Variants in UBE2W observed in about 807,000 individuals in gnomAD.
UBE2W encodes the protein ubiquitin conjugating enzyme E2 W.
UBE2W carries 18 observed loss-of-function variants against 27.2 expected under a neutral mutation model. That is an observed-to-expected ratio of 0.66 (90% CI 0.46 to 0.98). UBE2W has a LOEUF of 0.98. UBE2W is among the 50% of genes least tolerant of loss of function. UBE2W has a pLI of 0.00. For missense variants in UBE2W, 90 were observed against 180.2 expected (o/e 0.50, Z 2.87); for synonymous variants, 53 against 57.2 (o/e 0.93, Z 0.33).
downstream of UBE2W, among the ~76,000 whole-genome samples, chr8:73,784,741 CT>C (rs1807904177): frequency 6.6e-6 from 1 of 152,070 alleles, no homozygotes; most frequent in Admixed American, 6.5e-5. Flanking sequence ...AGTAGACCTA[CT>C]GGGTCTAGCT....
At chr8:73,878,715 G>T (rs1481453407) in intron 1 of UBE2W, 93 bp downstream of exon 1, 2 of 1,168,788 alleles carry the variant, frequency 1.7e-6, no homozygotes, top group African/African-American at 1.5e-5. Flanking sequence ...AACCCGCCCG[G>T]GTGTCCCCGA....
chr8:73,863,765 T>C (rs984904809), intron 1 of UBE2W, among the ~76,000 whole-genome samples: 1 of 151,756 alleles, frequency 6.6e-6, no homozygotes, highest in South Asian at 2.1e-4. Context: ...AAAAAAGAAT[T>C]AGCTGAAGAG....
chr8:73,867,690 T>G (rs1046154266), intron 1 of UBE2W, among the ~76,000 whole-genome samples: 1 of 145,966 alleles, frequency 6.9e-6, no homozygotes. Flanking sequence ...CCAGCGTGAG[T>G]GACGGAGTGA....
intron 1 of UBE2W, among the ~76,000 whole-genome samples, chr8:73,843,779 CA>C (rs11336925): frequency 0.68 from 81,806 of 121,054 alleles, 27,205 homozygotes; most frequent in East Asian, 0.89. Flanking sequence ...GTAGAGACAC[CA>C]AAAAAAAAAA....
chr8:73,785,324 A>G (rs1167626581), downstream of UBE2W, among the ~76,000 whole-genome samples: 1 of 151,804 alleles, frequency 6.6e-6, no homozygotes, highest in African/African-American at 2.4e-5. Flanking sequence ...TTGTATTTTT[A>G]GTAAAGATGG....
At position 73,850,533 on chromosome 8, in the gene UBE2W, G is replaced by A. The variant is rs577692942; in HGVS notation, c.16-20061C>T. 2.6e-5 allele frequency among the ~76,000 whole-genome samples: 4 copies of A among 152,046 alleles called. No homozygotes were observed. In the East Asian group the frequency reaches 7.7e-4, roughly 29 times the overall value. ...AGCTTTAAAAATATACTGCTACAAA[G>A]ATGGATTAATCTTGAAATGATAAAA... On this transcript the variant is annotated intron_variant, in intron 1 of 5. Coordinates refer to ENST00000602593, the MANE Select transcript of UBE2W (RefSeq NM_018299.6).
At chr8:73,871,070 C>G (rs1477886600) in intron 1 of UBE2W, among the ~76,000 whole-genome samples, 2 of 152,066 alleles carry the variant, frequency 1.3e-5, no homozygotes, top group African/African-American at 4.8e-5. Flanking sequence ...TAGAAAGAAT[C>G]TATTGGGAAT....
intron 5 of UBE2W, among the ~76,000 whole-genome samples, chr8:73,794,854 TAA>T (rs1289254274): frequency 6.8e-5 from 3 of 43,924 alleles, no homozygotes; most frequent in Admixed American, 2.5e-4. Context: ...CTCTGTCTCA[TAA>T]AAAAAAAAAA....
intron 3 of UBE2W, among the ~76,000 whole-genome samples, chr8:73,813,997 TGCTGGGGTTACAGGCATGA>T (rs1321442033): frequency 6.6e-6 from 1 of 152,132 alleles, no homozygotes. Context: ...CCTCCCAAAG[TGCTGGGGTTACAGGCATGA>T]GTCACTGCAC....
intron 5 of UBE2W, among the ~76,000 whole-genome samples, chr8:73,795,516 T>C (rs1386600449): frequency 6.6e-6 from 1 of 152,108 alleles, no homozygotes; most frequent in Non-Finnish European, 1.5e-5. Context: ...AAACTTCTCT[T>C]CTCATAAATT....
chr8:73,851,134 A>G (rs1811060736), intron 1 of UBE2W, among the ~76,000 whole-genome samples: 1 of 152,028 alleles, frequency 6.6e-6, no homozygotes, highest in African/African-American at 2.4e-5. Context: ...TTTAGGTGTA[A>G]GACACCATGC....
At chr8:73,804,724 CTTTT>C (rs530482301) in intron 5 of UBE2W, among the ~76,000 whole-genome samples, 1 of 145,406 alleles carries the variant, frequency 6.9e-6, no homozygotes, top group East Asian at 2.0e-4. Context: ...GTAACTAGTT[CTTTT>C]TTTTTTTTCC....
Position 73,788,731 on chromosome 8 carries a change from T to C in UBE2W, c.*5371A>G. 3.0e-6 allele frequency: 3 copies of C among 985,432 alleles called. No individual in the cohort carries two copies. Among genetic ancestry groups the C allele is most frequent in the Non-Finnish European group, 3.6e-6 (3 of 829,940 alleles). 61.0% of individuals were successfully genotyped at this position (985,432 alleles called of 1,614,324 possible). On this transcript the variant is annotated 3_prime_UTR_variant, in exon 6 of 6. Transcript: ENST00000602593. The stretch of plus-strand genomic sequence containing the variant: ...CTTTGAGAAAACAACTTAGAATTGT[T>C]GTAGGACCAATGAGAAAACAACTTA...
chr8:73,856,042 G>A (rs1011818726), intron 1 of UBE2W, among the ~76,000 whole-genome samples: 4 of 151,540 alleles, frequency 2.6e-5, no homozygotes, highest in Admixed American at 6.6e-5. Context: ...TATTACCTTC[G>A]TCTAATGCTA....
At chr8:73,873,744 C>G (rs1423893929) in intron 1 of UBE2W, among the ~76,000 whole-genome samples, 1 of 152,202 alleles carries the variant, frequency 6.6e-6, no homozygotes, top group East Asian at 1.9e-4. Context: ...TACTTTATCT[C>G]CTGTTATTAA....
chr8:73,819,079 T>C (rs188068811), intron 3 of UBE2W, among the ~76,000 whole-genome samples: 86 of 152,338 alleles, frequency 5.6e-4, no homozygotes, highest in African/African-American at 1.9e-3. Flanking sequence ...CTTTGCATTT[T>C]GTCTTCATCT....
Position 73,791,090 on chromosome 8 carries a change from A to G in UBE2W, c.*3012T>C. The G allele has an allele frequency of 1.0e-6, 1 of 985,078 alleles. No homozygotes were observed. The highest frequency in any genetic ancestry group is 1.2e-6 in the Non-Finnish European group (1 of 829,614). 61.0% of individuals were successfully genotyped at this position (985,078 alleles called of 1,614,324 possible). A position where few individuals can be genotyped will look rare whatever the true frequency, so the allele number is the denominator to read the frequency against. Reference sequence around the variant, plus strand: ...TTTCCAGCACTTTCTTCTGGGGATTAAAAATGATTTATTTCCCTGCTGGCT... The same window carrying G: ...TTTCCAGCACTTTCTTCTGGGGATTGAAAATGATTTATTTCCCTGCTGGCT... On this transcript the variant is annotated 3_prime_UTR_variant, in exon 6 of 6. Coordinates refer to ENST00000602593, the MANE Select transcript of UBE2W (RefSeq NM_018299.6).
Position 73,848,712 on chromosome 8 carries a change from A to T in UBE2W, c.16-18240T>A, listed in dbSNP as rs533154460. Among the ~76,000 whole-genome samples the T allele has an allele frequency of 5.3e-5, 8 of 152,192 alleles. No homozygotes were observed. The South Asian group carries it at 1.2e-3, about 24-fold the overall frequency. ...ATCTCAAAAGAAAAACAAAAAAGAA[A>T]TCAGGATGTGATTACCTTTAGGAGA... On this transcript the variant is annotated intron_variant, in intron 1 of 5. Transcript: ENST00000602593.
Position 73,791,908 on chromosome 8 carries a change from T to C in UBE2W, c.*2194A>G, listed in dbSNP as rs540753337. The C allele has an allele frequency of 1.2e-3, 1,171 of 984,990 alleles. 2 individuals carry two copies. The highest frequency in any genetic ancestry group is 1.3e-3 in the Non-Finnish European group (1,119 of 829,506). 61.0% of individuals were successfully genotyped at this position (984,990 alleles called of 1,614,324 possible). On this transcript the variant is annotated 3_prime_UTR_variant, in exon 6 of 6. Coordinates refer to ENST00000602593, the MANE Select transcript of UBE2W (RefSeq NM_018299.6). The stretch of plus-strand genomic sequence containing the variant: ...TAAAATATTGTCATAAAAAACTCAA[T>C]TGAGGCTATATATGACCTATTACTC...
Sources: allele counts gnomAD v4.1 joint callset (sites outside exome capture counted in the v4.1 genomes callset), GRCh38; gene constraint gnomAD v4.1.1; transcripts MANE v1.5; gene names NCBI Gene and HGNC (gene_info 2026-07-23, HGNC 2026-07-21).